CSMD1: variants seen among roughly 807,000 people sequenced by gnomAD.
CSMD1 encodes the protein CUB and sushi domain-containing protein 1.
Under a neutral mutation model 417.5 loss-of-function variants are expected in CSMD1, and 213 were observed. That is an observed-to-expected ratio of 0.51 (90% CI 0.46 to 0.57). CSMD1 has a LOEUF of 0.57. CSMD1 is among the 20% of genes least tolerant of loss of function. The pLI, the probability that CSMD1 is intolerant of heterozygous loss-of-function variation, is 0.00. For synonymous variants in CSMD1, 2,862 were observed against 1,736.8 expected (o/e 1.65, Z -16.11); for missense variants, 6,923 against 4,529.7 (o/e 1.53, Z -15.17).
At chr8:3,082,093 C>A (rs894889383) in intron 49 of CSMD1, among the ~76,000 whole-genome samples, 1 of 152,190 alleles carries the variant, frequency 6.6e-6, no homozygotes, top group African/African-American at 2.4e-5. Context: ...ACTCTGTTTC[C>A]TAAGTATTTT....
chr8:4,247,020 T>G (rs1427375604), intron 3 of CSMD1, among the ~76,000 whole-genome samples: 2 of 152,186 alleles, frequency 1.3e-5, no homozygotes, highest in African/African-American at 2.4e-5. Flanking sequence ...GCCCCATATG[T>G]GCTAAATATC....
chr8:4,548,301 G>A (rs1312512702), intron 2 of CSMD1, among the ~76,000 whole-genome samples: 1 of 152,140 alleles, frequency 6.6e-6, no homozygotes, highest in Non-Finnish European at 1.5e-5. Flanking sequence ...ATTTAGTCAT[G>A]TATAAGTCTC....
chr8:4,361,411 G>C (rs906338049), intron 3 of CSMD1, among the ~76,000 whole-genome samples: 3 of 152,110 alleles, frequency 2.0e-5, no homozygotes, highest in Non-Finnish European at 4.4e-5. Context: ...CTCAGGCACT[G>C]CTTCTAAGTA....
chr8:4,601,578 T>C lies in CSMD1; in HGVS notation c.302+35764A>G, dbSNP rs530753519. On this transcript the variant is annotated intron_variant, in intron 2 of 69. Coordinates refer to ENST00000635120, the MANE Select transcript of CSMD1 (RefSeq NM_033225.6). ...AGGTAGTATTAAGAATTGAATACTTTAGTAGTAAGAGTTCAGTACTTTCCT... is the reference window on the plus strand; with the variant it reads ...AGGTAGTATTAAGAATTGAATACTTCAGTAGTAAGAGTTCAGTACTTTCCT... 1.1e-4 allele frequency among the ~76,000 whole-genome samples: 17 copies of C among 152,250 alleles called. No homozygotes were observed. The South Asian group carries it at 1.5e-3, about 13-fold the overall frequency.
At chr8:3,504,257 CA>C (rs1192994420) in intron 10 of CSMD1, among the ~76,000 whole-genome samples, 1 of 64,752 alleles carries the variant, frequency 1.5e-5, no homozygotes, top group East Asian at 5.6e-4. Flanking sequence ...TTTAAAAAAA[CA>C]TTTTTTTTAA....
intron 2 of CSMD1, among the ~76,000 whole-genome samples, chr8:4,481,494 G>C (rs73660884): frequency 1.3e-5 from 2 of 152,072 alleles, no homozygotes; most frequent in Non-Finnish European, 2.9e-5. Flanking sequence ...TATGAGATTT[G>C]ATCAAATATC....
intron 5 of CSMD1, among the ~76,000 whole-genome samples, chr8:3,993,976 T>A (rs1334036267): frequency 6.6e-6 from 1 of 152,120 alleles, no homozygotes; most frequent in Admixed American, 6.6e-5. Flanking sequence ...AGGGATGGGT[T>A]CACAGGGGCA....
chr8:4,035,624 T>C (rs1040672341), intron 3 of CSMD1, among the ~76,000 whole-genome samples: 1 of 152,180 alleles, frequency 6.6e-6, no homozygotes, highest in Non-Finnish European at 1.5e-5. Flanking sequence ...AGTAAGAACA[T>C]ATAAAGAAAT....
At chr8:3,393,355 A>C (rs1811462434) in intron 17 of CSMD1, among the ~76,000 whole-genome samples, 1 of 152,230 alleles carries the variant, frequency 6.6e-6, no homozygotes, top group Admixed American at 6.5e-5. Context: ...CAAGGTGGAA[A>C]GAAGAGGGAA....
chr8:3,721,294 G>A (rs948122817), intron 6 of CSMD1, among the ~76,000 whole-genome samples: 2 of 152,092 alleles, frequency 1.3e-5, no homozygotes, highest in African/African-American at 2.4e-5. Flanking sequence ...TGAGATGAGT[G>A]GCCACATATT....
chr8:3,070,758 C>T (rs139561705), intron 49 of CSMD1, among the ~76,000 whole-genome samples: 89 of 152,318 alleles, frequency 5.8e-4, no homozygotes, highest in African/African-American at 2.0e-3. Flanking sequence ...CAAACCTTCC[C>T]AACCTCTGCC....
chr8:3,360,400 C>G (rs1356507148), intron 20 of CSMD1, among the ~76,000 whole-genome samples: 1 of 152,334 alleles, frequency 6.6e-6, no homozygotes, highest in African/African-American at 2.4e-5. Flanking sequence ...CTGGCTGTCA[C>G]CAGCCTCTTG....
intron 3 of CSMD1, among the ~76,000 whole-genome samples, chr8:4,371,330 G>C (rs192991350): frequency 4.6e-5 from 7 of 151,978 alleles, no homozygotes; most frequent in Admixed American, 2.0e-4. Flanking sequence ...CTGGCAACAG[G>C]CAAGTTAAAG....
At chr8:4,390,146 T>C (rs748156188) in intron 3 of CSMD1, among the ~76,000 whole-genome samples, 5 of 152,204 alleles carry the variant, frequency 3.3e-5, no homozygotes, top group African/African-American at 1.2e-4. Flanking sequence ...CTTTAATTCA[T>C]TGTCATCCCA....
chr8:4,279,415 A>G (rs1162110579), intron 3 of CSMD1, among the ~76,000 whole-genome samples: 4 of 152,212 alleles, frequency 2.6e-5, no homozygotes, highest in Non-Finnish European at 4.4e-5. Context: ...TTAAATGTGA[A>G]TTTTTGGCAG....
intron 4 of CSMD1, among the ~76,000 whole-genome samples, chr8:4,001,139 C>G (rs548108768): frequency 3.8e-4 from 58 of 151,852 alleles, no homozygotes; most frequent in Non-Finnish European, 7.8e-4. Flanking sequence ...ATTTAAAAAG[C>G]TTTGAAATAG....
chr8:3,927,297 C>A lies in CSMD1; in HGVS notation c.818+70606G>T, dbSNP rs527888202. 2.2e-4 allele frequency among the ~76,000 whole-genome samples: 34 copies of A among 151,918 alleles called. No homozygotes were observed. In the South Asian group the frequency reaches 6.4e-3, roughly 29 times the overall value. On this transcript the variant is annotated intron_variant, in intron 5 of 69. Coordinates refer to ENST00000635120, the MANE Select transcript of CSMD1 (RefSeq NM_033225.6). ...AGCTAATAATTATTAAGGTGCCAGA[C>A]AGCATGAAAATTATTCTGACTTTAT...
At chr8:4,268,179 C>G (rs1299917116) in intron 3 of CSMD1, among the ~76,000 whole-genome samples, 2 of 152,098 alleles carry the variant, frequency 1.3e-5, no homozygotes, top group African/African-American at 4.8e-5. Context: ...AATTTGGACT[C>G]TGTATCAACT....
chr8:4,588,692 C>T (rs543276504), intron 2 of CSMD1, among the ~76,000 whole-genome samples: 98 of 151,806 alleles, frequency 6.5e-4, no homozygotes, highest in African/African-American at 2.2e-3. Context: ...GGCTGAGGCA[C>T]AAGAATCGCT....
Sources: allele counts gnomAD v4.1 joint callset (sites outside exome capture counted in the v4.1 genomes callset), GRCh38; gene constraint gnomAD v4.1.1; transcripts MANE v1.5; gene names NCBI Gene and HGNC (gene_info 2026-07-23, HGNC 2026-07-21).